The following AQR variants were observed in gnomAD, a reference collection of about 807,000 sequenced individuals.
The protein encoded by AQR is aquarius intron-binding spliceosomal factor, also known as RNA helicase aquarius.
AQR carries 61 observed loss-of-function variants against 180.5 expected under a neutral mutation model. That is an observed-to-expected ratio of 0.34 (90% CI 0.28 to 0.42). The LOEUF is 0.42. Ranked by LOEUF, AQR falls within the 10% of genes least tolerant of loss-of-function variation. AQR has a pLI of 1.00. For missense variants in AQR, 1,281 were observed against 1,798.3 expected (o/e 0.71, Z 5.20); for synonymous variants, 551 against 588.8 (o/e 0.94, Z 0.93).
intron 24 of AQR, among the ~76,000 whole-genome samples, chr15:34,889,119 G>A (rs1457762007): frequency 6.6e-6 from 1 of 152,070 alleles, no homozygotes; most frequent in East Asian, 1.9e-4. Context: ...ACTGAATTCT[G>A]AATTATTAGA....
chr15:34,893,537 A>T, intron 23 of AQR, 126 bp downstream of exon 23: 1 of 706,508 alleles, frequency 1.4e-6, no homozygotes, highest in South Asian at 2.0e-5. Flanking sequence ...CTTGAAGAGG[A>T]ACTTATTGTG....
intron 1 of AQR, among the ~76,000 whole-genome samples, chr15:34,967,091 G>A (rs750908791): frequency 6.6e-6 from 1 of 151,704 alleles, no homozygotes; most frequent in Admixed American, 6.6e-5. Context: ...GGCCAGGCTG[G>A]TCTCGAACTC....
At chr15:34,946,872 T>C (rs1298814814) in intron 5 of AQR, among the ~76,000 whole-genome samples, 3 of 128,958 alleles carry the variant, frequency 2.3e-5, no homozygotes, top group African/African-American at 3.0e-5. Context: ...AGCCGCCCCG[T>C]CCGGGAGGGA....
chr15:34,904,178 T>G (rs12899377), intron 19 of AQR, among the ~76,000 whole-genome samples, 158 bp downstream of exon 19: 21 of 152,046 alleles, frequency 1.4e-4, no homozygotes, highest in African/African-American at 4.8e-4. Context: ...TATTTCATCA[T>G]TTTGTTAAAA....
chr15:34,948,796 CA>C lies in AQR; in HGVS notation c.210-413del, dbSNP rs761369190. On this transcript the variant is annotated intron_variant, in intron 4 of 34. Transcript: ENST00000156471. ...TGGCCAACAGAGCTAGACTCCATCT[CA>C]AAAAAAAAAAAAAAAACTTGGAATC... Among the ~76,000 whole-genome samples, 313 of 91,676 alleles carry C rather than the reference CA, an allele frequency of 3.4e-3. 1 individual carries two copies. The highest frequency in any genetic ancestry group is 6.9e-3 in the African/African-American group (173 of 25,162). 60.1% of individuals were successfully genotyped at this position (91,676 alleles called of 152,430 possible).
intron 23 of AQR, among the ~76,000 whole-genome samples, chr15:34,893,024 A>C (rs988434092): frequency 7.9e-5 from 12 of 152,222 alleles, no homozygotes; most frequent in African/African-American, 2.9e-4. Context: ...TCAGATTTTC[A>C]TACAAGGATA....
chr15:34,955,404 T>TC (rs1894295471), intron 3 of AQR, among the ~76,000 whole-genome samples: 1 of 152,004 alleles, frequency 6.6e-6, no homozygotes, highest in East Asian at 1.9e-4. Context: ...TCTATTACAT[T>TC]CCCCCCTATC....
chr15:34,893,448 T>C (rs1893180457), intron 23 of AQR, among the ~76,000 whole-genome samples: 1 of 152,096 alleles, frequency 6.6e-6, no homozygotes, highest in Non-Finnish European at 1.5e-5. Flanking sequence ...AGCTGAGACT[T>C]AGGCATGCCA....
chr15:34,906,286 G>A (rs1053918255), intron 18 of AQR, among the ~76,000 whole-genome samples: 1 of 151,992 alleles, frequency 6.6e-6, no homozygotes, highest in South Asian at 2.1e-4. Context: ...CTGGAGAATC[G>A]CATGAACCCA....
intron 3 of AQR, among the ~76,000 whole-genome samples, chr15:34,957,465 G>T (rs1176437897): frequency 6.6e-6 from 1 of 152,038 alleles, no homozygotes; most frequent in African/African-American, 2.4e-5. Flanking sequence ...CCAGCACTTT[G>T]GGAGGCCGAG....
rs556539727 is a variant in AQR, at chr15:34,962,024, CTTTTT to C, written c.133-1215_133-1211del. On this transcript the variant is annotated intron_variant, in intron 2 of 34. Coordinates refer to ENST00000156471, the MANE Select transcript of AQR (RefSeq NM_014691.3). Reference sequence around the variant, plus strand: ...TATTATTGTATGGTAACTATAATGTCTTTTTTTTTTTTTTTTGAGATGGGGTCTCA... The same window carrying C: ...TATTATTGTATGGTAACTATAATGTCTTTTTTTTTTTGAGATGGGGTCTCA... Among the ~76,000 whole-genome samples, 305 of 139,088 alleles carry C rather than the reference CTTTTT, an allele frequency of 2.2e-3. 4 individuals carry two copies. Among genetic ancestry groups the C allele is most frequent in the Admixed American group, 0.018 (253 of 13,876 alleles). 91.2% of individuals were successfully genotyped at this position (139,088 alleles called of 152,430 possible).
intron 13 of AQR, among the ~76,000 whole-genome samples, chr15:34,921,433 C>CAAAA (rs71119990): frequency 1.3e-5 from 1 of 74,904 alleles, no homozygotes. Context: ...GACTCCATCT[C>CAAAA]AAAAAAAAAA....
chr15:34,969,740 G>T lies in AQR; in HGVS notation c.-127C>A. On this transcript the variant is annotated 5_prime_UTR_variant, in exon 1 of 35. Transcript: ENST00000156471. ...CGCGCCGCACAAACGCTCCGGGCCG[G>T]ATATCCTCAGCCTTCAGAGTCCCGT... The T allele has an allele frequency of 3.3e-6, 3 of 917,636 alleles. No individual in the cohort carries two copies. Among genetic ancestry groups the T allele is most frequent in the Non-Finnish European group, 3.2e-6 (2 of 621,378 alleles). The allele number at this position is 917,636 out of a possible 1,614,324, so 56.8% of individuals were successfully genotyped here. A position where few individuals can be genotyped will look rare whatever the true frequency, so the allele number is the denominator to read the frequency against.
chr15:34,892,515 C>G (rs1893165417), intron 23 of AQR, among the ~76,000 whole-genome samples: 1 of 152,150 alleles, frequency 6.6e-6, no homozygotes. Flanking sequence ...TTGACCCTCT[C>G]CAGTAGAAAT....
intron 13 of AQR, among the ~76,000 whole-genome samples, chr15:34,922,143 T>A (rs1893692751): frequency 6.6e-6 from 1 of 152,164 alleles, no homozygotes; most frequent in African/African-American, 2.4e-5. Context: ...TGGCTGCTTT[T>A]ACTTAGCATA....
chr15:34,896,803 C>A, intron 22 of AQR, 94 bp downstream of exon 22: 3 of 1,058,722 alleles, frequency 2.8e-6, no homozygotes, highest in Non-Finnish European at 4.3e-6. Flanking sequence ...GAGCTGAGAT[C>A]GCGCCACTGC....
Position 34,870,940 on chromosome 15 carries a change from TCA to T in AQR, c.3598-20_3598-19del. 1 of 1,602,732 alleles carries T rather than the reference TCA, an allele frequency of 6.2e-7. No individual in the cohort carries two copies. The highest frequency in any genetic ancestry group is 8.5e-7 in the Non-Finnish European group (1 of 1,172,888). On this transcript the variant is annotated intron_variant, in intron 30 of 34. Transcript: ENST00000156471. ...CCAAGATTCTGTAATGCAAACATAA[TCA>T]GACTGTGCATTCATTTGCTTTTGTT...
chr15:34,939,304 T>A (rs1358616013), intron 8 of AQR, among the ~76,000 whole-genome samples: 1 of 152,168 alleles, frequency 6.6e-6, no homozygotes, highest in East Asian at 1.9e-4. Flanking sequence ...CCTGACCTTG[T>A]GGTCCACCCG....
chr15:34,930,213 TA>T (rs1296321165), intron 12 of AQR, 44 bp downstream of exon 12: 4 of 1,247,620 alleles, frequency 3.2e-6, no homozygotes, highest in South Asian at 2.6e-5. Flanking sequence ...TGCAGTATGA[TA>T]AAACCTTATG....
Sources: allele counts gnomAD v4.1 joint callset (sites outside exome capture counted in the v4.1 genomes callset), GRCh38; gene constraint gnomAD v4.1.1; transcripts MANE v1.5; gene names NCBI Gene and HGNC (gene_info 2026-07-23, HGNC 2026-07-21).